The following LMBR1L variants were observed in gnomAD, a reference collection of about 807,000 sequenced individuals.
LMBR1L encodes protein LMBR1L.
In LMBR1L, 47 loss-of-function variants were observed where a neutral mutation model predicts 67.3. That is an observed-to-expected ratio of 0.70 (90% CI 0.55 to 0.89). LMBR1L has a LOEUF of 0.89. Among genes scored for constraint, LMBR1L ranks in the 40% least tolerant of loss-of-function variants. The pLI, the probability that LMBR1L is intolerant of heterozygous loss-of-function variation, is 0.00. For synonymous variants in LMBR1L, 247 were observed against 250.3 expected (o/e 0.99, Z 0.13); for missense variants, 533 against 599.2 (o/e 0.89, Z 1.15).
At chr12:49,098,248 C>T (rs888289424) in intron 15 of LMBR1L, 143 bp from the exon 16 acceptor site, 8 of 855,300 alleles carry the variant, frequency 9.4e-6, no homozygotes, top group African/African-American at 3.4e-5. Context: ...CCCAAGCTGT[C>T]TCAAGAGCAG....
At position 49,108,405 on chromosome 12, in the gene LMBR1L, T is replaced by G. The variant is rs754479021; in HGVS notation, c.73-1360A>C. On this transcript the variant is annotated intron_variant, in intron 1 of 16. Coordinates refer to ENST00000267102, the MANE Select transcript of LMBR1L (RefSeq NM_018113.4). ...GGCGAAACCCTGTCTCTACTAAAAA[T>G]ACAAAAATTAGCCAGGCGTGGTGGC... Among the ~76,000 whole-genome samples, 6 of 150,344 alleles carry G rather than the reference T, an allele frequency of 4.0e-5. 1 individual carries two copies. The highest frequency in any genetic ancestry group is 4.0e-4 in the Admixed American group (6 of 15,098).
chr12:49,104,926 C>T, intron 3 of LMBR1L, 41 bp from the exon 4 acceptor site: 1 of 1,580,484 alleles, frequency 6.3e-7, no homozygotes, highest in South Asian at 1.2e-5. Context: ...TAGCTCAGCA[C>T]TCACTACCCT....
rs777423129 is a variant in LMBR1L at position 49,104,685 on chromosome 12, C to T, written c.331+61G>A. 2.5e-6 allele frequency: 4 copies of T among 1,606,632 alleles called. No homozygotes were observed. The African/African-American group carries it at 5.4e-5, about 22-fold the overall frequency. ...TTGGCGCACGGCTGCCTGAGTCCAC[C>T]CAACTCTATCTGCTCTCTGCTCCCT... On this transcript the variant is annotated intron_variant, in intron 4 of 16. Coordinates refer to ENST00000267102, the MANE Select transcript of LMBR1L (RefSeq NM_018113.4).
chr12:49,105,924 G>A lies in LMBR1L; in HGVS notation c.191C>T (p.Ala64Val), dbSNP rs772511664. The A allele has an allele frequency of 8.7e-6, 14 of 1,612,220 alleles. No homozygotes were observed. The highest frequency in any genetic ancestry group is 1.1e-5 in the Non-Finnish European group (13 of 1,179,172). The part of the protein sequence containing the change: ...DDEDATVNKI[A>V]LELCTFTLAI... ...TAGGTGCTGAGGCAGGGACACTTAC[G>A]CAATCTTGTTGACGGTGGCATCTTC... The change falls in exon 3 of 17, where the codon GCG becomes GTG. Residue 64 changes from alanine (A) to valine (V), a missense_variant and splice_region_variant. Physicochemically the swap from Ala to Val is moderately conservative, Grantham distance 64. This residue lies in a region of LMBR1L where 246 missense variants were observed against 249.0 expected (regional missense o/e 0.99). Coordinates refer to ENST00000267102, the MANE Select transcript of LMBR1L (RefSeq NM_018113.4).
chr12:49,097,500 C>T lies in LMBR1L; in HGVS notation c.*172G>A. ...GTTAAGTATGGAAAAGCAGGAGGTCCTGGTCCCAAACTCTGGCTCAGATTA... is the reference window on the plus strand; with the variant it reads ...GTTAAGTATGGAAAAGCAGGAGGTCTTGGTCCCAAACTCTGGCTCAGATTA... On this transcript the variant is annotated 3_prime_UTR_variant, in exon 17 of 17. Transcript: ENST00000267102. 2 of 656,928 alleles carry T rather than the reference C, an allele frequency of 3.0e-6. No individual in the cohort carries two copies. The highest frequency in any genetic ancestry group is 2.7e-6 in the Non-Finnish European group (1 of 375,086). 40.7% of individuals were successfully genotyped at this position (656,928 alleles called of 1,614,324 possible).
intron 16 of LMBR1L, 74 bp downstream of exon 16, chr12:49,097,870 T>A: frequency 6.3e-7 from 1 of 1,589,880 alleles, no homozygotes; most frequent in Non-Finnish European, 8.6e-7. Context: ...TCTCCCCTGC[T>A]GGGGTGATCC....
intron 15 of LMBR1L, among the ~76,000 whole-genome samples, chr12:49,099,508 G>T (rs994253843): frequency 1.3e-5 from 2 of 151,862 alleles, no homozygotes; most frequent in Non-Finnish European, 2.9e-5. Flanking sequence ...TGGTATTTAG[G>T]GGGAGGTAGG....
chr12:49,103,920 AAG>A (rs1192648600), intron 5 of LMBR1L, 107 bp from the exon 6 acceptor site: 16 of 1,253,134 alleles, frequency 1.3e-5, no homozygotes, highest in East Asian at 9.6e-5. Context: ...TTCAGGAGGT[AAG>A]AGAGAGGGTT....
chr12:49,098,584 AGCACTGTCTGTGCCAG>A (rs1939708769), intron 15 of LMBR1L, among the ~76,000 whole-genome samples: 1 of 152,208 alleles, frequency 6.6e-6, no homozygotes. Flanking sequence ...ACACACATAA[AGCACTGTCTGTGCCAG>A]GCACTATTCT....
chr12:49,102,005 T>G, intron 11 of LMBR1L, 115 bp downstream of exon 11: 10 of 867,138 alleles, frequency 1.2e-5, no homozygotes, highest in Non-Finnish European at 1.8e-5. Context: ...AGGCACTCAG[T>G]GAGAAGCAAC....
In LMBR1L at chr12:49,103,212, C is replaced by CTTACTTA. The variant is rs1940446640; in HGVS notation, c.563-54_563-53insTAAGTAA. The CTTACTTA allele has an allele frequency of 6.0e-6, 9 of 1,496,396 alleles. No homozygotes were observed. The East Asian group carries it at 2.1e-4, about 34-fold the overall frequency. 92.7% of individuals were successfully genotyped at this position (1,496,396 alleles called of 1,614,324 possible). A position where few individuals can be genotyped will look rare whatever the true frequency, so the allele number is the denominator to read the frequency against. On this transcript the variant is annotated intron_variant, in intron 6 of 16. Coordinates refer to ENST00000267102, the MANE Select transcript of LMBR1L (RefSeq NM_018113.4). ...GCTCATCTCTCCTTACTTACTGTCCCCAGGCTGACAGGCCTCAGAGTCTAG... is the reference window on the plus strand; with the variant it reads ...GCTCATCTCTCCTTACTTACTGTCCCTTACTTACAGGCTGACAGGCCTCAGAGTCTAG...
At chr12:49,104,639 G>C in intron 4 of LMBR1L, 88 bp from the exon 5 acceptor site, 1 of 1,568,170 alleles carries the variant, frequency 6.4e-7, no homozygotes, top group Non-Finnish European at 8.8e-7. Flanking sequence ...AGCAGAGTGG[G>C]AAGGTGCGAC....
At position 49,098,069 on chromosome 12, in the gene LMBR1L, C is replaced by A; in HGVS notation, c.1277G>T (p.Arg426Leu). Residue 426 changes from arginine (R) to leucine (L), a missense_variant, in exon 16 of 17, where the codon CGC becomes CTC. Physicochemically the swap from Arg to Leu is moderately radical, Grantham distance 102. Around this residue, in one of 3 missense-constraint regions of LMBR1L, gnomAD observed 223 missense variants for 241.2 expected, o/e 0.92. Coordinates refer to ENST00000267102, the MANE Select transcript of LMBR1L (RefSeq NM_018113.4). ...TRFDLLGDFG[R>L]FNWLGNFYIV... ...GTAGAAATTGCCCAGCCAGTTGAAG[C>A]GTCCAAAGTCACCCAGCAGGTCAAA... 6.2e-7 allele frequency: 1 copy of A among 1,614,086 alleles called. No individual in the cohort carries two copies. The highest frequency in any genetic ancestry group is 8.5e-7 in the Non-Finnish European group (1 of 1,179,984).
Position 49,103,176 on chromosome 12 carries a change from G to A in LMBR1L, c.563-17C>T, listed in dbSNP as rs751210511. On this transcript the variant is annotated splice_polypyrimidine_tract_variant and intron_variant, in intron 6 of 16. Coordinates refer to ENST00000267102, the MANE Select transcript of LMBR1L (RefSeq NM_018113.4). The stretch of plus-strand genomic sequence containing the variant: ...CCCAAAAGTCTAAGGATAAAAAAAA[G>A]AGGCATGTCAGCTCATCTCTCCTTA... 3.1e-6 allele frequency: 5 copies of A among 1,606,724 alleles called. No individual in the cohort carries two copies. Among genetic ancestry groups the A allele is most frequent in the Non-Finnish European group, 4.3e-6 (5 of 1,173,542 alleles).
At chr12:49,109,189 C>T (rs1438662856) in intron 1 of LMBR1L, among the ~76,000 whole-genome samples, 4 of 152,182 alleles carry the variant, frequency 2.6e-5, no homozygotes, top group Admixed American at 2.6e-4. Context: ...ATGTTCTCAG[C>T]TCATGGGACT....
At position 49,104,785 on chromosome 12, in the gene LMBR1L, TC is replaced by T; in HGVS notation, c.291del (p.Asn98ThrfsTer59). 6.2e-7 allele frequency: 1 copy of T among 1,613,700 alleles called. No homozygotes were observed. Among genetic ancestry groups the T allele is most frequent in the South Asian group, 1.1e-5 (1 of 90,978 alleles). ...ISNEVLLSLP[R>X]NYYIQWLNGS... ...CCGTTGAGCCACTGGATGTAGTAGT[TC>T]CGAGGCAGGGAGAGCAGCACCTCAT... On this transcript the variant is annotated frameshift_variant, in exon 4 of 17. Coordinates refer to ENST00000267102, the MANE Select transcript of LMBR1L (RefSeq NM_018113.4). LOFTEE classifies it high-confidence loss of function.
rs539527536 is a variant in LMBR1L at position 49,110,166 on chromosome 12, G to C, written c.72+318C>G. 2.0e-4 allele frequency: 113 copies of C among 569,168 alleles called. 1 individual carries two copies. The East Asian group carries it at 2.7e-3, about 13-fold the overall frequency. The allele number at this position is 569,168 out of a possible 1,614,324, so 35.3% of individuals were successfully genotyped here. ...CATCCTTCCCCGATTATCAGACTAA[G>C]GCAGACTCCGCAGGCTCTCAGACCC... On this transcript the variant is annotated intron_variant, in intron 1 of 16. Coordinates refer to ENST00000267102, the MANE Select transcript of LMBR1L (RefSeq NM_018113.4).
At position 49,101,579 on chromosome 12, in the gene LMBR1L, C is replaced by T. The variant is rs148238307; in HGVS notation, c.931-30G>A. 1.1e-4 allele frequency: 173 copies of T among 1,516,642 alleles called. No individual in the cohort carries two copies. The African/African-American group carries it at 1.9e-3, about 17-fold the overall frequency. The allele number at this position is 1,516,642 out of a possible 1,614,324, so 93.9% of individuals were successfully genotyped here. A position where few individuals can be genotyped will look rare whatever the true frequency, so the allele number is the denominator to read the frequency against. Reference sequence around the variant, plus strand: ...GTGAGGCAAGGTCAGACTCCCATTCCACCCCAGACCACAGCTGGACCCAGA... The same window carrying T: ...GTGAGGCAAGGTCAGACTCCCATTCTACCCCAGACCACAGCTGGACCCAGA... On this transcript the variant is annotated intron_variant, in intron 11 of 16. Transcript: ENST00000267102.
rs544273072 is a variant in LMBR1L, at chr12:49,103,553, T to C, written c.562+134A>G. The C allele has an allele frequency of 2.9e-5, 31 of 1,086,552 alleles. No individual in the cohort carries two copies. In the Admixed American group the frequency reaches 4.1e-4, roughly 14 times the overall value. 67.3% of individuals were successfully genotyped at this position (1,086,552 alleles called of 1,614,324 possible). On this transcript the variant is annotated intron_variant, in intron 6 of 16. Coordinates refer to ENST00000267102, the MANE Select transcript of LMBR1L (RefSeq NM_018113.4). ...TCTGCAGATTGCATTTGGCCAGATG[T>C]CTATCAGTTTGAAACTTCAGTCTAA...
Sources: allele counts gnomAD v4.1 joint callset (sites outside exome capture counted in the v4.1 genomes callset), GRCh38; gene constraint gnomAD v4.1.1; regional missense constraint gnomAD v4.1.1; transcripts MANE v1.5; gene names NCBI Gene and HGNC (gene_info 2026-07-23, HGNC 2026-07-21).